The following SLC9A3 variants were observed in gnomAD, a reference collection of about 807,000 sequenced individuals.
SLC9A3 encodes sodium/hydrogen exchanger 3.
SLC9A3 carries 37 observed loss-of-function variants against 86.8 expected under a neutral mutation model. The observed-to-expected ratio is 0.43, with a 90% confidence interval of 0.33 to 0.56. SLC9A3 has a LOEUF of 0.56. Ranked by LOEUF, SLC9A3 falls within the 20% of genes least tolerant of loss-of-function variation. The pLI is 0.06. For missense variants in SLC9A3, 1,011 were observed against 1,171.9 expected (o/e 0.86, Z 2.00); for synonymous variants, 581 against 528.3 (o/e 1.10, Z -1.37).
At position 483,379 on chromosome 5, in the gene SLC9A3, C is replaced by A. The variant is rs866649567; in HGVS notation, c.1036G>T (p.Ala346Ser). 1 of 1,571,816 alleles carries A rather than the reference C, an allele frequency of 6.4e-7. No individual in the cohort carries two copies. Among genetic ancestry groups the A allele is most frequent in the East Asian group, 2.4e-5 (1 of 42,314 alleles). The change falls in exon 6 of 17, where the codon GCC becomes TCC. Residue 346 changes from alanine (A) to serine (S), a missense_variant. By Grantham distance (99) the Ala-to-Ser change is moderately conservative (BLOSUM62 1). This residue lies in a region of SLC9A3 where 565 missense variants were observed against 790.0 expected (regional missense o/e 0.72). Transcript: ENST00000264938. ...AGGAACATGAAGATGATGGTCTCGG[C>A]GCTGCTGGCCAGCATCTTCATGGTG... Reference protein sequence around the residue: ...RYTMKMLASSAETIIFMFLGI... With the variant: ...RYTMKMLASSSETIIFMFLGI...
chr5:507,185 T>TTTTTTTTTTTTTTTTTTTTTTTTTG (rs1740628867), intron 1 of SLC9A3, among the ~76,000 whole-genome samples: 1 of 105,846 alleles, frequency 9.4e-6, no homozygotes, highest in Non-Finnish European at 1.9e-5. Flanking sequence ...TTTTTTTTTT[T>TTTTTTTTTTTTTTTTTTTTTTTTTG]TGAGACGGAG....
chr5:514,790 C>T (rs1485994675), intron 1 of SLC9A3, among the ~76,000 whole-genome samples: 1 of 152,246 alleles, frequency 6.6e-6, no homozygotes, highest in African/African-American at 2.4e-5. Flanking sequence ...AGAACTCAAA[C>T]CCTTGGACTT....
At chr5:506,323 G>A (rs550552840) in intron 1 of SLC9A3, among the ~76,000 whole-genome samples, 11 of 152,322 alleles carry the variant, frequency 7.2e-5, no homozygotes, top group Non-Finnish European at 1.0e-4. Context: ...CTGGAGACGC[G>A]CGGAACCCGG....
At chr5:514,059 G>A (rs1467807765) in intron 1 of SLC9A3, among the ~76,000 whole-genome samples, 1 of 152,266 alleles carries the variant, frequency 6.6e-6, no homozygotes, top group Non-Finnish European at 1.5e-5. Context: ...AGACAATGGT[G>A]CCTGGCAAGG....
intron 3 of SLC9A3, among the ~76,000 whole-genome samples, chr5:486,857 C>T (rs1373267527): frequency 1.5e-5 from 2 of 132,086 alleles, no homozygotes; most frequent in Non-Finnish European, 3.3e-5. Flanking sequence ...CACACTGACA[C>T]CGTGATCCAG....
At chr5:476,760 C>T in intron 11 of SLC9A3, 88 bp from the exon 12 acceptor site, 4 of 1,513,504 alleles carry the variant, frequency 2.6e-6, no homozygotes, top group South Asian at 1.2e-5. Context: ...GGGCATCTGG[C>T]CCTGGCTGCC....
intron 4 of SLC9A3, among the ~76,000 whole-genome samples, chr5:484,914 C>T (rs943612569): frequency 5.9e-5 from 9 of 152,224 alleles, no homozygotes; most frequent in Non-Finnish European, 1.0e-4. Context: ...CCCTATCCGG[C>T]CGTCTGTCTC....
chr5:503,239 C>G (rs1740389640), intron 1 of SLC9A3, among the ~76,000 whole-genome samples: 1 of 152,174 alleles, frequency 6.6e-6, no homozygotes, highest in South Asian at 2.1e-4. Flanking sequence ...TTTAAAGTAA[C>G]CAGAGCCTCA....
rs55986515 is a variant in SLC9A3, at chr5:497,254, T to A, written c.212-5183A>T. ...CGCTGCCCCGCAGGTGCCCCTCAAG[T>A]CACACCACTGCTCTGCCTCGGGCGA... is the stretch of plus-strand genomic sequence containing the variant. On this transcript the variant is annotated intron_variant, in intron 1 of 16. Coordinates refer to ENST00000264938, the MANE Select transcript of SLC9A3 (RefSeq NM_004174.4). This position sits in a 1 kb window ranked among gnomAD's most constrained non-coding sequence, Gnocchi z 5.4. 0.074 allele frequency among the ~76,000 whole-genome samples: 11,284 copies of A among 152,122 alleles called. 498 individuals carry two copies. Among genetic ancestry groups the A allele is most frequent in the Non-Finnish European group, 0.095 (6,436 of 67,970 alleles).
intron 1 of SLC9A3, among the ~76,000 whole-genome samples, chr5:514,971 A>G (rs1185730079): frequency 2.6e-5 from 4 of 152,026 alleles, no homozygotes; most frequent in African/African-American, 9.7e-5. Flanking sequence ...AGAGCCAGAT[A>G]GGGGGTCCCG....
chr5:487,952 G>C (rs1000011746), intron 3 of SLC9A3, among the ~76,000 whole-genome samples: 1 of 152,186 alleles, frequency 6.6e-6, no homozygotes, highest in Non-Finnish European at 1.5e-5. Flanking sequence ...ACAGGCGTGA[G>C]CCACCGCACC....
At chr5:492,909 A>C (rs1356708019) in intron 1 of SLC9A3, among the ~76,000 whole-genome samples, 1 of 151,972 alleles carries the variant, frequency 6.6e-6, no homozygotes, top group East Asian at 1.9e-4. Flanking sequence ...GGGGTGTTCT[A>C]GGAAGAGTCT....
intron 14 of SLC9A3, 147 bp from the exon 15 acceptor site, chr5:475,818 G>A (rs1738690607): frequency 1.4e-6 from 1 of 693,576 alleles, no homozygotes; most frequent in Non-Finnish European, 2.5e-6. Context: ...CTGGAGGAGG[G>A]ACCCCACTTA....
chr5:486,585 A>G (rs1478489767), intron 3 of SLC9A3, among the ~76,000 whole-genome samples: 1 of 152,122 alleles, frequency 6.6e-6, no homozygotes, highest in Non-Finnish European at 1.5e-5. Flanking sequence ...CGTTAGCACC[A>G]GTTCAGTTTC....
chr5:523,033 C>A (rs187098688), intron 1 of SLC9A3, among the ~76,000 whole-genome samples: 71 of 152,172 alleles, frequency 4.7e-4, no homozygotes, highest in African/African-American at 1.7e-3. Context: ...GACACCAGGG[C>A]GAGGAGGAGG....
chr5:499,706 C>G (rs571252869), intron 1 of SLC9A3, among the ~76,000 whole-genome samples: 2 of 152,244 alleles, frequency 1.3e-5, no homozygotes, highest in Non-Finnish European at 2.9e-5. Flanking sequence ...CCTGGGGACA[C>G]GTGGGCCCTC....
chr5:513,406 A>G (rs1301691894), intron 1 of SLC9A3, among the ~76,000 whole-genome samples: 1 of 152,142 alleles, frequency 6.6e-6, no homozygotes, highest in Non-Finnish European at 1.5e-5. Flanking sequence ...GCCTTCACAC[A>G]TGGGAGCCCC....
At chr5:500,293 A>C (rs1353032736) in intron 1 of SLC9A3, among the ~76,000 whole-genome samples, 1 of 152,256 alleles carries the variant, frequency 6.6e-6, no homozygotes, top group African/African-American at 2.4e-5. Flanking sequence ...CCACAGACGG[A>C]ACCGGCTTCC....
intron 1 of SLC9A3, among the ~76,000 whole-genome samples, chr5:518,811 C>T (rs1579830370): frequency 1.3e-5 from 2 of 152,116 alleles, no homozygotes; most frequent in Admixed American, 6.5e-5. Context: ...CGCCCAGAGG[C>T]GGGGAGCTCC....
Sources: gnomAD v4.1 joint callset for allele counts (sites outside exome capture counted in the v4.1 genomes callset) on GRCh38, gnomAD v4.1.1 for gene constraint, gnomAD v4.1.1 regional missense constraint, Gnocchi (gnomAD v3.1) non-coding constraint, MANE v1.5 for transcripts, NCBI Gene and HGNC (gene_info 2026-07-23, HGNC 2026-07-21) for gene names.